Variants in ANK2 observed in about 807,000 individuals in gnomAD.
The protein encoded by ANK2 is ankyrin-2.
ANK2 carries 83 observed loss-of-function variants against 360.5 expected under a neutral mutation model. The observed-to-expected ratio is 0.23, with a 90% CI of 0.19 to 0.28. ANK2 has a LOEUF of 0.28. Among genes scored for constraint, ANK2 ranks in the 10% least tolerant of loss-of-function variants. The probability of loss-of-function intolerance (pLI) is 1.00; values close to 1 mark genes in which losing one functional copy is unlikely to be tolerated. For missense variants in ANK2, 4,201 were observed against 4,795.7 expected, an observed-to-expected ratio of 0.88 and a Z score of 3.66; for synonymous variants, 1,740 against 1,759.5, an observed-to-expected ratio of 0.99 and a Z score of 0.28.
intron 1 of ANK2, among the ~76,000 whole-genome samples, chr4:112,849,714 CCTT>C (rs1210737594): frequency 6.6e-6 from 1 of 152,154 alleles, no homozygotes; most frequent in African/African-American, 2.4e-5. Context: ...TCTTTTGTTC[CCTT>C]CTTCTAATCC....
At position 113,356,681 on chromosome 4, in the gene ANK2, G is replaced by C. The variant is rs142107156; in HGVS notation, c.8063G>C (p.Arg2688Pro). 3.7e-6 allele frequency: 6 copies of C among 1,614,070 alleles called. No homozygotes were observed. Among genetic ancestry groups the C allele is most frequent in the African/African-American group, 2.7e-5 (2 of 75,024 alleles). ...GGCCTTTTACCAGAACCAGTGATTCGAGTACAACCTCCTTCTCCACTTCCA... is the reference window on the plus strand; with the variant it reads ...GGCCTTTTACCAGAACCAGTGATTCCAGTACAACCTCCTTCTCCACTTCCA... ...DSGLLPEPVI[R>P]VQPPSPLPSS... Residue 2688 changes from arginine (R) to proline (P), a missense_variant, in exon 38 of 46, where the codon CGA becomes CCA. Physicochemically the swap from Arg to Pro is moderately radical, Grantham distance 103 (BLOSUM62 -2). Transcript: ENST00000357077.
chr4:112,818,782 G>A (rs144646671), intron 1 of ANK2, among the ~76,000 whole-genome samples: 98 of 152,330 alleles, frequency 6.4e-4, no homozygotes, highest in Non-Finnish European at 1.1e-3. Context: ...TTGGTAAACA[G>A]CAGTGCTATT....
intron 1 of ANK2, among the ~76,000 whole-genome samples, chr4:113,069,174 A>G (rs1355460535): frequency 6.6e-6 from 1 of 152,224 alleles, no homozygotes; most frequent in East Asian, 1.9e-4. Flanking sequence ...ATTCTGTAGA[A>G]CAAGGAGAGA....
chr4:112,803,754 A>G, the ANK2 span, among the ~76,000 whole-genome samples: 1 of 152,226 alleles, frequency 6.6e-6, no homozygotes, highest in African/African-American at 2.4e-5. Flanking sequence ...TTTGGTAACC[A>G]TATATAGAGA....
chr4:113,128,192 T>A (rs2095789345), intron 1 of ANK2, among the ~76,000 whole-genome samples: 1 of 152,138 alleles, frequency 6.6e-6, no homozygotes, highest in African/African-American at 2.4e-5. Context: ...AAGTTTAGAG[T>A]TTGGAGTCCT....
At chr4:113,164,964 T>C (rs1300015238) in intron 1 of ANK2, among the ~76,000 whole-genome samples, 1 of 152,214 alleles carries the variant, frequency 6.6e-6, no homozygotes, top group East Asian at 1.9e-4. Flanking sequence ...CTTTTTTCTC[T>C]CGACCCAAAT....
chr4:113,008,897 C>T (rs563907185), intron 2 of ANK2, among the ~76,000 whole-genome samples: 2 of 152,136 alleles, frequency 1.3e-5, no homozygotes, highest in African/African-American at 4.8e-5. Flanking sequence ...GCTCAGTGAC[C>T]ACAGCTAACA....
rs578234319 is a variant in ANK2, at chr4:113,367,682, A to G, written c.11149A>G (p.Ile3717Val). 5 of 1,613,996 alleles carry G rather than the reference A, an allele frequency of 3.1e-6. No homozygotes were observed. The South Asian group carries it at 5.5e-5, about 18-fold the overall frequency. Reference protein sequence around the residue: ...DHPPIVSEEDISVGYSTFQDG... With the variant: ...DHPPIVSEEDVSVGYSTFQDG... ...CCCTCCTATCGTCTCAGAGGAAGAC[A>G]TTTCTGTTGGTTATTCCACTTTTCA... Residue 3717 changes from isoleucine to valine, a missense_variant, in exon 42 of 46, where the codon ATT (isoleucine) becomes GTT (valine). Physicochemically the swap from Ile to Val is conservative, Grantham distance 29 (BLOSUM62 3). Coordinates refer to ENST00000357077, the MANE Select transcript of ANK2 (RefSeq NM_001148.6).
the ANK2 span, among the ~76,000 whole-genome samples, chr4:112,729,652 G>A: frequency 5.9e-5 from 9 of 151,796 alleles, no homozygotes; most frequent in Admixed American, 2.0e-4. Flanking sequence ...GGAGGCTGAG[G>A]CAGGAGAGTC....
At chr4:112,822,610 G>A (rs2057437714) in intron 1 of ANK2, among the ~76,000 whole-genome samples, 1 of 151,648 alleles carries the variant, frequency 6.6e-6, no homozygotes, top group African/African-American at 2.4e-5. Context: ...GCTGGGGGTG[G>A]TGGCATGCGC....
chr4:113,202,601 T>C (rs2098846736), intron 4 of ANK2, among the ~76,000 whole-genome samples: 1 of 152,244 alleles, frequency 6.6e-6, no homozygotes, highest in Non-Finnish European at 1.5e-5. Context: ...GCAAACAGAC[T>C]GCTAAAGTTA....
intron 1 of ANK2, among the ~76,000 whole-genome samples, chr4:113,075,589 G>T (rs1460280137): frequency 1.3e-5 from 2 of 152,164 alleles, no homozygotes; most frequent in African/African-American, 2.4e-5. Context: ...GAAACTCATA[G>T]ATTCCAGAGG....
At chr4:113,099,853 A>G (rs1195643885) in intron 1 of ANK2, among the ~76,000 whole-genome samples, 2 of 152,042 alleles carry the variant, frequency 1.3e-5, no homozygotes, top group African/African-American at 4.8e-5. Context: ...GACCAAGATA[A>G]AAGGCAATTC....
At chr4:113,087,353 G>A (rs1034421377) in intron 1 of ANK2, among the ~76,000 whole-genome samples, 1 of 152,148 alleles carries the variant, frequency 6.6e-6, no homozygotes, top group African/African-American at 2.4e-5. Context: ...TGGGAGATGA[G>A]GGTGGAAAAT....
the ANK2 span, among the ~76,000 whole-genome samples, chr4:112,721,377 T>C: frequency 6.6e-6 from 1 of 151,618 alleles, no homozygotes; most frequent in Non-Finnish European, 1.5e-5. Flanking sequence ...CTGTCTCTAC[T>C]AAAAATACAA....
chr4:113,110,455 A>G (rs1349081060), intron 1 of ANK2, among the ~76,000 whole-genome samples: 1 of 152,194 alleles, frequency 6.6e-6, no homozygotes, highest in Non-Finnish European at 1.5e-5. Context: ...AGTTTAGTTA[A>G]ACAACAGGTG....
intron 1 of ANK2, among the ~76,000 whole-genome samples, chr4:113,086,721 GA>G (rs1017524728): frequency 1.3e-4 from 20 of 152,226 alleles, no homozygotes; most frequent in Non-Finnish European, 2.9e-4. Flanking sequence ...CAAACTTGGG[GA>G]GTTAGGGAAG....
At position 112,948,120 on chromosome 4, in the gene ANK2, G is replaced by A. The variant is rs142311441; in HGVS notation, c.21+43606G>A. Among the ~76,000 whole-genome samples the A allele has an allele frequency of 3.2e-3, 489 of 152,092 alleles. 4 individuals carry two copies. The highest frequency in any genetic ancestry group is 0.011 in the African/African-American group (451 of 41,500). Reference sequence around the variant, plus strand: ...ATTAGAAATCAGAGTAGGGAAAGATGGGAGATGGACAAAAGTGTTTGTAGG... The same window carrying A: ...ATTAGAAATCAGAGTAGGGAAAGATAGGAGATGGACAAAAGTGTTTGTAGG... On this transcript the variant is annotated intron_variant, in intron 2 of 30. Coordinates refer to the ANK2 transcript ENST00000503271.
the ANK2 span, among the ~76,000 whole-genome samples, chr4:112,771,624 C>T: frequency 3.4e-5 from 5 of 148,968 alleles, no homozygotes; most frequent in South Asian, 2.1e-4. Flanking sequence ...CTCACTCTTT[C>T]GCCCAGGCCG....
Sources: allele counts gnomAD v4.1 joint callset (sites outside exome capture counted in the v4.1 genomes callset), GRCh38; gene constraint gnomAD v4.1.1; transcripts MANE v1.5; gene names NCBI Gene and HGNC (gene_info 2026-07-23, HGNC 2026-07-21).